Variants in ERBB4 observed in about 807,000 individuals in gnomAD.
ERBB4 encodes the protein receptor tyrosine-protein kinase erbB-4.
ERBB4 carries 42 observed loss-of-function variants against 158.0 expected under a neutral mutation model. The ratio of observed to expected loss-of-function variants is 0.27; its 90% CI spans 0.21 to 0.34. The LOEUF is 0.34. Among genes scored for constraint, ERBB4 ranks in the 10% least tolerant of loss-of-function variants. The probability of loss-of-function intolerance (pLI) is 1.00; values close to 1 mark genes in which losing one functional copy is unlikely to be tolerated. For synonymous variants in ERBB4, 583 were observed against 558.7 expected (o/e 1.04, Z -0.61); for missense variants, 1,333 against 1,624.1 (o/e 0.82, Z 3.08).
chr2:212,050,903 G>A (rs2077381857), intron 2 of ERBB4, among the ~76,000 whole-genome samples: 1 of 151,998 alleles, frequency 6.6e-6, no homozygotes, highest in African/African-American at 2.4e-5. Flanking sequence ...CCAGAAAATG[G>A]GTATTTCTGC....
At chr2:211,657,942 C>A (rs761728279) in intron 15 of ERBB4, 114 bp from the exon 16 acceptor site, 1 of 1,608,806 alleles carries the variant, frequency 6.2e-7, no homozygotes, top group African/African-American at 1.3e-5. Flanking sequence ...AGCAAGCACA[C>A]CAAGTACCTA....
intron 1 of ERBB4, among the ~76,000 whole-genome samples, chr2:212,345,930 T>C (rs1164016392): frequency 1.3e-5 from 2 of 152,164 alleles, no homozygotes; most frequent in African/African-American, 4.8e-5. Context: ...CCGAAAAAGA[T>C]AGAGAGATAA....
At chr2:212,399,543 T>C (rs2091132106) in intron 1 of ERBB4, among the ~76,000 whole-genome samples, 1 of 18,016 alleles carries the variant, frequency 5.6e-5, no homozygotes, top group African/African-American at 6.4e-4. Flanking sequence ...ATTTTATATA[T>C]ACATATATAT....
At chr2:212,028,249 C>T (rs2125342210) in intron 2 of ERBB4, among the ~76,000 whole-genome samples, 1 of 152,084 alleles carries the variant, frequency 6.6e-6, no homozygotes, top group Middle Eastern at 3.4e-3. Flanking sequence ...TCTTCAATTT[C>T]CAAAACTCCT....
chr2:211,557,585 A>G (rs927038201), intron 20 of ERBB4, among the ~76,000 whole-genome samples: 6 of 152,130 alleles, frequency 3.9e-5, no homozygotes, highest in African/African-American at 1.4e-4. Context: ...CACCAGTCAG[A>G]ATGCTGGTGA....
chr2:212,492,683 G>A (rs2106205960), intron 1 of ERBB4, among the ~76,000 whole-genome samples: 1 of 151,342 alleles, frequency 6.6e-6, no homozygotes, highest in South Asian at 2.1e-4. Flanking sequence ...AAAGGTGTCA[G>A]GTATGGAGAA....
At chr2:211,724,105 C>T (rs2074188018) in intron 6 of ERBB4, among the ~76,000 whole-genome samples, 1 of 152,176 alleles carries the variant, frequency 6.6e-6, no homozygotes, top group Non-Finnish European at 1.5e-5. Flanking sequence ...CATCCTACGT[C>T]TGATGAAAGA....
intron 4 of ERBB4, among the ~76,000 whole-genome samples, chr2:211,786,608 C>A (rs1333397458): frequency 2.0e-5 from 3 of 152,172 alleles, no homozygotes; most frequent in Non-Finnish European, 4.4e-5. Context: ...CCCCTCAGAC[C>A]TTTCCTGCTC....
intron 16 of ERBB4, among the ~76,000 whole-genome samples, chr2:211,632,560 T>A (rs1407236733): frequency 6.6e-6 from 1 of 152,108 alleles, no homozygotes; most frequent in African/African-American, 2.4e-5. Flanking sequence ...TATGTAAATA[T>A]ATGTAAACGT....
intron 1 of ERBB4, among the ~76,000 whole-genome samples, chr2:212,329,456 A>G (rs2088023834): frequency 6.6e-6 from 1 of 152,094 alleles, no homozygotes; most frequent in African/African-American, 2.4e-5. Context: ...GTCATAGCCT[A>G]CTGAGGTTTG....
At chr2:211,666,363 A>G (rs774762844) in intron 14 of ERBB4, among the ~76,000 whole-genome samples, 5 of 152,194 alleles carry the variant, frequency 3.3e-5, no homozygotes, top group Non-Finnish European at 7.4e-5. Flanking sequence ...AAATGCAAAT[A>G]GAACAAACTC....
chr2:212,187,596 T>G (rs2082052868), intron 1 of ERBB4, among the ~76,000 whole-genome samples: 1 of 152,110 alleles, frequency 6.6e-6, no homozygotes, highest in Non-Finnish European at 1.5e-5. Context: ...ATATCAGTCT[T>G]AAATATCAAT....
intron 1 of ERBB4, among the ~76,000 whole-genome samples, chr2:212,229,876 T>C (rs2083604477): frequency 2.0e-5 from 3 of 152,180 alleles, no homozygotes; most frequent in Non-Finnish European, 2.9e-5. Context: ...GGCGGTCCTA[T>C]TAAAATGATA....
intron 3 of ERBB4, among the ~76,000 whole-genome samples, chr2:211,864,909 G>A (rs940945910): frequency 7.2e-5 from 11 of 152,112 alleles, no homozygotes; most frequent in African/African-American, 2.7e-4. Context: ...TACTTGGGAG[G>A]GTGAGGCAGG....
chr2:211,487,107 A>C (rs9941687), intron 20 of ERBB4, among the ~76,000 whole-genome samples: 31,114 of 149,284 alleles, frequency 0.21, 3,457 homozygotes, highest in East Asian at 0.3. Context: ...TTAACTCGTC[A>C]TTTACATTAG....
intron 1 of ERBB4, among the ~76,000 whole-genome samples, chr2:212,535,436 A>G (rs1486198927): frequency 2.0e-5 from 3 of 152,194 alleles, no homozygotes; most frequent in Non-Finnish European, 4.4e-5. Flanking sequence ...ATAATGATGT[A>G]TCTTAAATAT....
chr2:211,441,660 T>C (rs2063980142), intron 20 of ERBB4, among the ~76,000 whole-genome samples: 1 of 152,178 alleles, frequency 6.6e-6, no homozygotes, highest in African/African-American at 2.4e-5. Context: ...TATCTCTTGA[T>C]GCTCCAGAAG....
chr2:211,925,004 T>C (rs192318315), intron 3 of ERBB4, among the ~76,000 whole-genome samples: 8 of 152,302 alleles, frequency 5.3e-5, no homozygotes, highest in South Asian at 2.1e-4. Flanking sequence ...TTAAAGAAGA[T>C]TGATAAGTAA....
intron 19 of ERBB4, among the ~76,000 whole-genome samples, chr2:211,584,346 G>T (rs1326719503): frequency 1.3e-5 from 2 of 151,890 alleles, no homozygotes; most frequent in Non-Finnish European, 2.9e-5. Context: ...TAATTCATTT[G>T]TACATTTGAA....
Sources: gnomAD v4.1 joint callset for allele counts (sites outside exome capture counted in the v4.1 genomes callset) on GRCh38, gnomAD v4.1.1 for gene constraint, MANE v1.5 for transcripts, NCBI Gene and HGNC (gene_info 2026-07-23, HGNC 2026-07-21) for gene names.